The following LIN54 variants were observed in gnomAD, a reference collection of about 807,000 sequenced individuals.
The protein encoded by LIN54 is lin-54 DREAM MuvB core complex component.
LIN54 carries 9 observed loss-of-function variants against 78.7 expected under a neutral mutation model. The observed-to-expected ratio is 0.11, with a 90% confidence interval of 0.07 to 0.20. LIN54 has a LOEUF of 0.20. Ranked by LOEUF, LIN54 falls within the 10% of genes least tolerant of loss-of-function variation. The pLI, the probability that LIN54 is intolerant of heterozygous loss-of-function variation, is 1.00. For missense variants in LIN54, 573 were observed against 889.9 expected, an observed-to-expected ratio of 0.64 and a Z score of 4.53; for synonymous variants, 269 against 318.4, an observed-to-expected ratio of 0.84 and a Z score of 1.65.
intron 4 of LIN54, among the ~76,000 whole-genome samples, chr4:82,964,452 C>A (rs997427481): frequency 6.6e-6 from 1 of 152,164 alleles, no homozygotes; most frequent in South Asian, 2.1e-4. Flanking sequence ...TGTACCATTA[C>A]ATAAAGTTTG....
At chr4:82,974,066 T>C (rs7681303) in intron 3 of LIN54, among the ~76,000 whole-genome samples, 113,073 of 151,634 alleles carry the variant, frequency 0.75, 42,750 homozygotes, top group Non-Finnish European at 0.81. Context: ...AAAAATTAGC[T>C]GGGTGTGGTG....
chr4:82,996,369 T>C (rs1728219280), intron 1 of LIN54, among the ~76,000 whole-genome samples: 1 of 152,006 alleles, frequency 6.6e-6, no homozygotes, highest in Non-Finnish European at 1.5e-5. Context: ...AGAGAAAGAA[T>C]CCAGAACATA....
At chr4:82,972,764 C>CTT (rs1725770671) in intron 3 of LIN54, among the ~76,000 whole-genome samples, 1 of 151,816 alleles carries the variant, frequency 6.6e-6, no homozygotes, top group Non-Finnish European at 1.5e-5. Context: ...AGGTGGATCA[C>CTT]GAGGTCAGGA....
intron 3 of LIN54, among the ~76,000 whole-genome samples, chr4:82,972,926 G>C (rs549278811): frequency 4.4e-4 from 62 of 142,262 alleles, no homozygotes; most frequent in African/African-American, 1.6e-3. Flanking sequence ...TCCAGCCTGG[G>C]CAACAAGAGC....
intron 4 of LIN54, among the ~76,000 whole-genome samples, chr4:82,957,765 A>G (rs1327536837): frequency 6.6e-6 from 1 of 152,096 alleles, no homozygotes; most frequent in Non-Finnish European, 1.5e-5. Context: ...GTAAGTTTAT[A>G]TGTTTGTGTA....
At chr4:82,970,145 ATG>A (rs1197697625) in intron 4 of LIN54, among the ~76,000 whole-genome samples, 180 bp downstream of exon 4, 1 of 152,172 alleles carries the variant, frequency 6.6e-6, no homozygotes, top group Non-Finnish European at 1.5e-5. Flanking sequence ...CTATGTTACT[ATG>A]TGTTTAAAGT....
At chr4:82,936,516 C>A (rs1722403795) in intron 9 of LIN54, 135 bp from the exon 10 acceptor site, 1 of 527,592 alleles carries the variant, frequency 1.9e-6, no homozygotes, top group South Asian at 3.2e-5. Context: ...ACTCAGCTAC[C>A]CAGTTAAAGA....
chr4:82,978,576 A>G (rs1210459577), intron 3 of LIN54, among the ~76,000 whole-genome samples: 4 of 152,156 alleles, frequency 2.6e-5, no homozygotes, highest in African/African-American at 9.7e-5. Context: ...TATAGTCACT[A>G]TATGTAAAGG....
chr4:82,962,974 T>C (rs1453281345), intron 4 of LIN54, among the ~76,000 whole-genome samples: 1 of 151,576 alleles, frequency 6.6e-6, no homozygotes, highest in East Asian at 1.9e-4. Context: ...AAATCATAGA[T>C]CCAAGAAGAT....
intron 9 of LIN54, among the ~76,000 whole-genome samples, chr4:82,936,822 C>T (rs1722432850): frequency 6.6e-6 from 1 of 152,168 alleles, no homozygotes; most frequent in Admixed American, 6.5e-5. Context: ...CAATGCTTTT[C>T]ATTTAACTAT....
At chr4:83,011,936 G>A (rs1183171071), upstream of LIN54, 3 of 679,246 alleles carry the variant, frequency 4.4e-6, no homozygotes, top group Non-Finnish European at 5.4e-6. Context: ...TCAAGGCTGC[G>A]AACAGGGCCA....
Position 82,927,916 on chromosome 4 carries a change from TTAAC to T in LIN54, c.*182_*185del. ...CAATTTAGAAGGGGCATAAGCAGAT[TTAAC>T]TAAGATTTAAAATGTACTAATTTCC... On this transcript the variant is annotated 3_prime_UTR_variant, in exon 13 of 13. Coordinates refer to ENST00000340417, the MANE Select transcript of LIN54 (RefSeq NM_194282.4). 1 of 573,148 alleles carries T rather than the reference TTAAC, an allele frequency of 1.7e-6. No homozygotes were observed. The highest frequency in any genetic ancestry group is 3.1e-6 in the Non-Finnish European group (1 of 324,092). The allele number at this position is 573,148 out of a possible 1,614,324, so 35.5% of individuals were successfully genotyped here. A position where few individuals can be genotyped will look rare whatever the true frequency, so the allele number is the denominator to read the frequency against.
intron 4 of LIN54, among the ~76,000 whole-genome samples, chr4:82,956,869 C>T (rs1391380988): frequency 6.6e-6 from 1 of 152,072 alleles, no homozygotes; most frequent in Non-Finnish European, 1.5e-5. Flanking sequence ...GTGATTCTCC[C>T]ACCTCAGTCT....
intron 1 of LIN54, among the ~76,000 whole-genome samples, chr4:83,004,398 C>CAAAAAAA (rs34722830): frequency 2.0e-5 from 2 of 100,936 alleles, no homozygotes; most frequent in Non-Finnish European, 3.9e-5. Flanking sequence ...GACTCCGTTG[C>CAAAAAAA]AAAAAAAAAA....
intron 3 of LIN54, 40 bp from the exon 4 acceptor site, chr4:82,970,509 A>G (rs984852467): frequency 2.4e-5 from 38 of 1,567,226 alleles, no homozygotes; most frequent in Middle Eastern, 1.7e-4. Flanking sequence ...ACTTTTTTCA[A>G]TAATAGTATA....
Position 82,984,896 on chromosome 4 carries a change from A to G in LIN54, c.-32-20T>C. The G allele has an allele frequency of 6.7e-7, 1 of 1,494,320 alleles. No homozygotes were observed. The highest frequency in any genetic ancestry group is 1.3e-5 in the South Asian group (1 of 77,202). 92.6% of individuals were successfully genotyped at this position (1,494,320 alleles called of 1,614,324 possible). ...CAGGCACTGTAATAAAAGTTGAAAA[A>G]TGAACAAGTTACTAGGTTTCAAAAG... On this transcript the variant is annotated intron_variant, in intron 1 of 12. Coordinates refer to ENST00000340417, the MANE Select transcript of LIN54 (RefSeq NM_194282.4).
chr4:82,980,542 C>T (rs986462776), intron 2 of LIN54, among the ~76,000 whole-genome samples: 2 of 143,450 alleles, frequency 1.4e-5, no homozygotes, highest in Non-Finnish European at 3.0e-5. Context: ...TGACAAAAAC[C>T]AACTGTATAT....
At chr4:82,986,352 G>C (rs1412407246) in intron 1 of LIN54, among the ~76,000 whole-genome samples, 1 of 152,012 alleles carries the variant, frequency 6.6e-6, no homozygotes, top group Non-Finnish European at 1.5e-5. Context: ...CCCAACCTCA[G>C]GTGATCTGCC....
Position 82,936,327 on chromosome 4 carries a change from A to G in LIN54, c.1659T>C (p.Asn553=). The G allele has an allele frequency of 6.3e-7, 1 of 1,579,800 alleles. No individual in the cohort carries two copies. Among genetic ancestry groups the G allele is most frequent in the South Asian group, 1.1e-5 (1 of 87,758 alleles). ...GEFCNNCNCT[N]CYNNLEHENE... is the part of the protein sequence containing the mutation. ...TTTCATGTTCCAAATTGTTGTAACAATTAGTACAATTGCAGTTGTTGCAAA... is the reference window on the plus strand; with the variant it reads ...TTTCATGTTCCAAATTGTTGTAACAGTTAGTACAATTGCAGTTGTTGCAAA... Residue 553 remains asparagine, a synonymous_variant, in exon 10 of 13, where the codon AAT becomes AAC. Coordinates refer to ENST00000340417, the MANE Select transcript of LIN54 (RefSeq NM_194282.4).
Sources: gnomAD v4.1 joint callset for allele counts (sites outside exome capture counted in the v4.1 genomes callset) on GRCh38, gnomAD v4.1.1 for gene constraint, MANE v1.5 for transcripts, NCBI Gene and HGNC (gene_info 2026-07-23, HGNC 2026-07-21) for gene names.